The following PARD3 variants were observed in gnomAD, a reference collection of about 807,000 sequenced individuals.
The protein encoded by PARD3 is par-3 family cell polarity regulator.
In PARD3, 75 loss-of-function variants were observed where a neutral mutation model predicts 155.4. That is an observed-to-expected ratio of 0.48 (90% CI 0.40 to 0.58). The LOEUF (loss-of-function observed/expected upper bound fraction) is 0.58, where lower values mean the gene tolerates loss of function less well. Among genes scored for constraint, PARD3 ranks in the 20% least tolerant of loss-of-function variants. PARD3 has a pLI of 0.00. For missense variants in PARD3, 1,642 were observed against 1,721.7 expected (o/e 0.95, Z 0.82); for synonymous variants, 576 against 610.5 (o/e 0.94, Z 0.83).
intron 22 of PARD3, among the ~76,000 whole-genome samples, chr10:34,250,224 G>T (rs1014365246): frequency 6.7e-6 from 1 of 150,316 alleles, no homozygotes; most frequent in Non-Finnish European, 1.5e-5. Flanking sequence ...GAAAAAAAAA[G>T]TTGGATCAAT....
At chr10:34,490,944 G>A (rs1477406753) in intron 3 of PARD3, among the ~76,000 whole-genome samples, 1 of 152,170 alleles carries the variant, frequency 6.6e-6, no homozygotes, top group East Asian at 1.9e-4. Flanking sequence ...AGCTCTTCAG[G>A]TCATTGTAAC....
At chr10:34,191,525 T>A (rs1421381430) in intron 22 of PARD3, among the ~76,000 whole-genome samples, 2 of 152,240 alleles carry the variant, frequency 1.3e-5, no homozygotes, top group Non-Finnish European at 2.9e-5. Flanking sequence ...AAACACCAAC[T>A]GTGACCCTTC....
intron 22 of PARD3, among the ~76,000 whole-genome samples, chr10:34,213,896 G>C (rs936649007): frequency 2.0e-5 from 3 of 150,668 alleles, no homozygotes; most frequent in Non-Finnish European, 3.0e-5. Flanking sequence ...TCTTTTTTTT[G>C]TTTCGTTTTT....
chr10:34,603,666 T>C (rs993897453), intron 2 of PARD3, among the ~76,000 whole-genome samples: 18 of 152,098 alleles, frequency 1.2e-4, no homozygotes, highest in African/African-American at 4.3e-4. Context: ...TAATAGTACG[T>C]GAGGCCATAA....
intron 1 of PARD3, among the ~76,000 whole-genome samples, chr10:34,736,417 C>T (rs1443766291): frequency 1.6e-4 from 24 of 150,634 alleles, no homozygotes; most frequent in Non-Finnish European, 3.0e-5. Context: ...CAGCCTCAAA[C>T]TCCTGTGCTC....
At chr10:34,721,457 C>G (rs1036748143) in intron 1 of PARD3, among the ~76,000 whole-genome samples, 2 of 152,148 alleles carry the variant, frequency 1.3e-5, no homozygotes, top group African/African-American at 4.8e-5. Context: ...AAGCTGAGGG[C>G]AGGGAAGGAG....
intron 1 of PARD3, among the ~76,000 whole-genome samples, chr10:34,760,288 C>T (rs1181390458): frequency 6.6e-6 from 1 of 152,118 alleles, no homozygotes; most frequent in East Asian, 1.9e-4. Context: ...TCCAAAAGTG[C>T]TGCGATTACA....
intron 14 of PARD3, among the ~76,000 whole-genome samples, chr10:34,352,402 G>A (rs572984389): frequency 2.6e-5 from 4 of 152,282 alleles, no homozygotes; most frequent in Admixed American, 1.3e-4. Flanking sequence ...CCGAGCCGAG[G>A]CTGGACTGTA....
chr10:34,200,502 T>C (rs1253885824), intron 22 of PARD3, among the ~76,000 whole-genome samples: 2 of 151,724 alleles, frequency 1.3e-5, no homozygotes, highest in African/African-American at 2.4e-5. Context: ...GTCTATCTGT[T>C]TCCTTGCCTC....
intron 22 of PARD3, among the ~76,000 whole-genome samples, chr10:34,238,450 C>CTAGT (rs1417892230): frequency 6.6e-6 from 1 of 152,122 alleles, no homozygotes; most frequent in African/African-American, 2.4e-5. Context: ...TTTTCAATAG[C>CTAGT]TAGTTCCACT....
At chr10:34,731,770 T>A (rs535270448) in intron 1 of PARD3, among the ~76,000 whole-genome samples, 40 of 152,288 alleles carry the variant, frequency 2.6e-4, no homozygotes, top group South Asian at 1.2e-3. Context: ...CACATACAGC[T>A]TACCAAAATC....
At chr10:34,694,470 CTTTTT>C (rs34628015) in intron 2 of PARD3, among the ~76,000 whole-genome samples, 2 of 101,918 alleles carry the variant, frequency 2.0e-5, no homozygotes, top group South Asian at 3.7e-4. Flanking sequence ...AAAACTTCTG[CTTTTT>C]TTTTTTTTTT....
intron 2 of PARD3, among the ~76,000 whole-genome samples, chr10:34,538,293 A>T (rs1463560076): frequency 6.6e-6 from 1 of 152,230 alleles, no homozygotes; most frequent in Admixed American, 6.5e-5. Context: ...AACATCAAGA[A>T]ATCAGAGCAC....
At chr10:34,195,309 A>G (rs1321356637) in intron 22 of PARD3, among the ~76,000 whole-genome samples, 1 of 152,144 alleles carries the variant, frequency 6.6e-6, no homozygotes, top group Admixed American at 6.5e-5. Context: ...TCTTCACCAC[A>G]CTGAGCAAAG....
At chr10:34,743,062 A>G (rs909005792) in intron 1 of PARD3, among the ~76,000 whole-genome samples, 4 of 152,258 alleles carry the variant, frequency 2.6e-5, no homozygotes, top group Non-Finnish European at 5.9e-5. Context: ...TGAAGGCCTA[A>G]TAGTATGCAC....
chr10:34,208,474 C>T (rs896001009), intron 22 of PARD3, among the ~76,000 whole-genome samples: 1 of 152,196 alleles, frequency 6.6e-6, no homozygotes, highest in African/African-American at 2.4e-5. Context: ...CTTGCCAGGA[C>T]CACCAGGGGA....
At position 34,648,140 on chromosome 10, in the gene PARD3, A is replaced by G. The variant is rs531854088; in HGVS notation, c.222+48178T>C. Among the ~76,000 whole-genome samples, 4 of 152,362 alleles carry G rather than the reference A, an allele frequency of 2.6e-5. No individual in the cohort carries two copies. In the South Asian group the frequency reaches 8.3e-4, roughly 32 times the overall value. On this transcript the variant is annotated intron_variant, in intron 2 of 24. Coordinates refer to ENST00000374788, the MANE Select transcript of PARD3 (RefSeq NM_001184785.2). ...AGGACTGCATTTGATTTATACAAAC[A>G]GACTCAAACCTCGTCTTAAAATGCA...
At chr10:34,585,385 C>T (rs904165871) in intron 2 of PARD3, among the ~76,000 whole-genome samples, 2 of 152,110 alleles carry the variant, frequency 1.3e-5, no homozygotes, top group African/African-American at 4.8e-5. Flanking sequence ...GATGTTTACA[C>T]ATTCTTGTTA....
chr10:34,781,309 T>A (rs1030424987), intron 1 of PARD3, among the ~76,000 whole-genome samples: 1 of 152,336 alleles, frequency 6.6e-6, no homozygotes, highest in South Asian at 2.1e-4. Flanking sequence ...ACCCATGCAG[T>A]CCTTGGAAGA....
Sources: allele counts gnomAD v4.1 joint callset (sites outside exome capture counted in the v4.1 genomes callset), GRCh38; gene constraint gnomAD v4.1.1; transcripts MANE v1.5; gene names NCBI Gene and HGNC (gene_info 2026-07-23, HGNC 2026-07-21).